EYS: variants seen among roughly 807,000 people sequenced by gnomAD.
The protein encoded by EYS is protein eyes shut homolog.
Under a neutral mutation model 282.1 loss-of-function variants are expected in EYS, and 250 were observed. That is an observed-to-expected ratio of 0.89 (90% CI 0.80 to 0.98). The LOEUF is 0.98. EYS is among the 50% of genes least tolerant of loss of function. The probability of loss-of-function intolerance (pLI) is 0.00; values close to 1 mark genes in which losing one functional copy is unlikely to be tolerated. For missense variants in EYS, 4,016 were observed against 3,709.0 expected (o/e 1.08, Z -2.15); for synonymous variants, 1,355 against 1,282.9 (o/e 1.06, Z -1.20).
At position 65,084,743 on chromosome 6, in the gene EYS, C is replaced by T. The variant is rs117377086; in HGVS notation, c.2024-27016G>A. 3.4e-4 allele frequency among the ~76,000 whole-genome samples: 51 copies of T among 152,230 alleles called. No homozygotes were observed. The East Asian group carries it at 9.1e-3, about 27-fold the overall frequency. ...ACATTGAACGTAGATAAATGTCTCA[C>T]TATCTCAGTGAGTGTTATGAAAGTT... On this transcript the variant is annotated intron_variant, in intron 12 of 42. Coordinates refer to ENST00000503581, the MANE Select transcript of EYS (RefSeq NM_001142800.2).
intron 5 of EYS, among the ~76,000 whole-genome samples, chr6:65,476,577 A>C (rs1178394432): frequency 6.6e-6 from 1 of 151,680 alleles, no homozygotes; most frequent in African/African-American, 2.4e-5. Flanking sequence ...GCTATTTCTA[A>C]AACTGCTTTT....
At chr6:65,111,949 T>A (rs1271243101) in intron 12 of EYS, among the ~76,000 whole-genome samples, 1 of 152,146 alleles carries the variant, frequency 6.6e-6, no homozygotes, top group Admixed American at 6.6e-5. Flanking sequence ...AAAACCTTAC[T>A]CACTTTCAAC....
intron 15 of EYS, among the ~76,000 whole-genome samples, chr6:64,928,719 TTTA>T (rs902911548): frequency 2.7e-4 from 41 of 152,126 alleles, no homozygotes; most frequent in African/African-American, 9.9e-4. Flanking sequence ...TCCATTTTTT[TTTA>T]ATTTTAGTTT....
intron 11 of EYS, chr6:65,330,976 C>T (rs955250016): frequency 1.0e-6 from 1 of 984,134 alleles, no homozygotes; most frequent in Non-Finnish European, 1.2e-6. Flanking sequence ...ATATTGAGTT[C>T]CCGTATATAC....
chr6:65,088,808 G>A (rs1436559634), intron 12 of EYS, among the ~76,000 whole-genome samples: 1 of 152,110 alleles, frequency 6.6e-6, no homozygotes, highest in Non-Finnish European at 1.5e-5. Context: ...AGGAAAAAAT[G>A]GTTTCATGGG....
chr6:64,581,859 T>C (rs1766080536), intron 26 of EYS, among the ~76,000 whole-genome samples: 3 of 152,100 alleles, frequency 2.0e-5, no homozygotes, highest in Non-Finnish European at 4.4e-5. Context: ...GTCTTTATGA[T>C]AGGGCGCCAT....
At chr6:64,725,860 C>G (rs1025509062) in intron 22 of EYS, among the ~76,000 whole-genome samples, 2 of 152,030 alleles carry the variant, frequency 1.3e-5, no homozygotes, top group African/African-American at 4.8e-5. Flanking sequence ...TTCCTGAGAG[C>G]TCTCCTCATA....
At chr6:64,230,389 C>T (rs1367802539) in intron 31 of EYS, among the ~76,000 whole-genome samples, 2 of 152,136 alleles carry the variant, frequency 1.3e-5, no homozygotes, top group East Asian at 3.9e-4. Flanking sequence ...GAATGGCATT[C>T]CTAATGCAGA....
chr6:64,429,706 T>A (rs559736257), intron 28 of EYS, among the ~76,000 whole-genome samples: 1 of 152,318 alleles, frequency 6.6e-6, no homozygotes, highest in East Asian at 1.9e-4. Context: ...GGTTACATTT[T>A]AAGATCCTCT....
chr6:63,789,512 G>A (rs1442412204), intron 37 of EYS, among the ~76,000 whole-genome samples: 5 of 152,176 alleles, frequency 3.3e-5, no homozygotes, highest in Admixed American at 1.3e-4. Flanking sequence ...TCCTTTTGTC[G>A]GAGTGAAATT....
chr6:64,211,575 T>TA (rs1210346982), intron 31 of EYS, among the ~76,000 whole-genome samples: 8 of 135,144 alleles, frequency 5.9e-5, no homozygotes, highest in African/African-American at 1.7e-4. Flanking sequence ...ATATATATAT[T>TA]TTTTTTCATA....
At chr6:64,513,318 TTTTTC>T (rs1777465481) in intron 26 of EYS, among the ~76,000 whole-genome samples, 1 of 151,968 alleles carries the variant, frequency 6.6e-6, no homozygotes, top group Admixed American at 6.6e-5. Flanking sequence ...AAACGTACTG[TTTTTC>T]TTTTATCAAA....
At chr6:65,089,006 C>T (rs1357405757) in intron 12 of EYS, among the ~76,000 whole-genome samples, 1 of 152,144 alleles carries the variant, frequency 6.6e-6, no homozygotes, top group African/African-American at 2.4e-5. Flanking sequence ...AAGTCAAGAA[C>T]TGAGGTTTGG....
chr6:64,900,542 C>A (rs1182734124), intron 18 of EYS, among the ~76,000 whole-genome samples: 1 of 151,888 alleles, frequency 6.6e-6, no homozygotes, highest in Admixed American at 6.6e-5. Context: ...AAGAAAAAAA[C>A]AAACAATCCC....
rs3036008 is a variant in EYS at position 65,119,630 on chromosome 6, C to CTTTT, written c.2024-61907_2024-61904dup. ...TTTTAAAATTTCTTAGCCTTTTTAT[C>CTTTT]TTTTTTTTTTTTTTGCCTAAATCAG... On this transcript the variant is annotated intron_variant, in intron 12 of 42. Coordinates refer to ENST00000503581, the MANE Select transcript of EYS (RefSeq NM_001142800.2). Among the ~76,000 whole-genome samples, 507 of 135,320 alleles carry CTTTT rather than the reference C, an allele frequency of 3.7e-3. 10 individuals are homozygous for CTTTT. Among genetic ancestry groups the CTTTT allele is most frequent in the Middle Eastern group, 0.015 (4 of 262 alleles). The allele number at this position is 135,320 out of a possible 152,430, so 88.8% of individuals were successfully genotyped here. A position where few individuals can be genotyped will look rare whatever the true frequency, so the allele number is the denominator to read the frequency against.
In EYS at chr6:64,843,218, G is replaced by A. The variant is rs143126061; in HGVS notation, c.2993-20396C>T. On this transcript the variant is annotated intron_variant, in intron 19 of 42. Coordinates refer to ENST00000503581, the MANE Select transcript of EYS (RefSeq NM_001142800.2). Reference sequence around the variant, plus strand: ...CAGAGAGAACCTCTGCTAGGGCATTGTGGGAGGGAAATGTGGGGTTGGACC... The same window carrying A: ...CAGAGAGAACCTCTGCTAGGGCATTATGGGAGGGAAATGTGGGGTTGGACC... Among the ~76,000 whole-genome samples the A allele has an allele frequency of 1.1e-3, 164 of 152,296 alleles. 1 individual carries two copies. Among genetic ancestry groups the A allele is most frequent in the African/African-American group, 3.9e-3 (162 of 41,588 alleles).
chr6:63,784,990 A>G (rs1401556170), intron 39 of EYS, among the ~76,000 whole-genome samples: 1 of 152,140 alleles, frequency 6.6e-6, no homozygotes, highest in African/African-American at 2.4e-5. Flanking sequence ...ATTAAAATAC[A>G]TATTACTGGG....
At chr6:65,611,090 T>G (rs1765983074) in intron 2 of EYS, among the ~76,000 whole-genome samples, 1 of 152,000 alleles carries the variant, frequency 6.6e-6, no homozygotes, top group Non-Finnish European at 1.5e-5. Flanking sequence ...AATAAATTAA[T>G]GCCCAGGAAA....
At chr6:64,997,809 C>A in intron 13 of EYS, 106 bp from the exon 14 acceptor site, 5 of 951,172 alleles carry the variant, frequency 5.3e-6, no homozygotes, top group African/African-American at 1.7e-5. Context: ...TCACTTTTAA[C>A]CAAATAAAGT....
Sources: allele counts gnomAD v4.1 joint callset (sites outside exome capture counted in the v4.1 genomes callset), GRCh38; gene constraint gnomAD v4.1.1; transcripts MANE v1.5; gene names NCBI Gene and HGNC (gene_info 2026-07-23, HGNC 2026-07-21).